The following ATP8A2 variants were observed in gnomAD, a reference collection of about 807,000 sequenced individuals.
ATP8A2 encodes ATPase phospholipid transporting 8A2.
ATP8A2 carries 100 observed loss-of-function variants against 165.6 expected under a neutral mutation model. The ratio of observed to expected loss-of-function variants is 0.60; its 90% CI spans 0.51 to 0.71. The LOEUF (loss-of-function observed/expected upper bound fraction) is 0.71, where lower values mean the gene tolerates loss of function less well. ATP8A2 is among the 30% of genes least tolerant of loss of function. ATP8A2 has a pLI of 0.00. For synonymous variants in ATP8A2, 543 were observed against 548.8 expected (o/e 0.99, Z 0.15); for missense variants, 1,227 against 1,479.5 (o/e 0.83, Z 2.80).
At chr13:25,810,612 T>C (rs1303992898) in intron 27 of ATP8A2, among the ~76,000 whole-genome samples, 1 of 152,184 alleles carries the variant, frequency 6.6e-6, no homozygotes, top group Non-Finnish European at 1.5e-5. Context: ...ATTAATCCTT[T>C]CCAACCTTAC....
intron 19 of ATP8A2, 76 bp from the exon 20 acceptor site, chr13:25,576,993 T>A: frequency 8.3e-7 from 1 of 1,211,312 alleles, no homozygotes; most frequent in South Asian, 1.3e-5. Flanking sequence ...CCCCTTTTGT[T>A]TTGATTGGTG....
At chr13:25,519,841 C>G (rs1267926282) in intron 2 of ATP8A2, among the ~76,000 whole-genome samples, 1 of 152,068 alleles carries the variant, frequency 6.6e-6, no homozygotes, top group African/African-American at 2.4e-5. Flanking sequence ...TGTCATTCAC[C>G]CATTTACCCC....
intron 25 of ATP8A2, among the ~76,000 whole-genome samples, chr13:25,757,631 A>T (rs553825940): frequency 6.6e-6 from 1 of 152,258 alleles, no homozygotes; most frequent in African/African-American, 2.4e-5. Flanking sequence ...GATGACTCCC[A>T]TATTCGGCTG....
At chr13:25,743,294 C>A (rs1343394571) in intron 25 of ATP8A2, among the ~76,000 whole-genome samples, 1 of 152,036 alleles carries the variant, frequency 6.6e-6, no homozygotes, top group African/African-American at 2.4e-5. Context: ...GGAGCAGATT[C>A]TTTTTCTCAG....
intron 2 of ATP8A2, among the ~76,000 whole-genome samples, chr13:25,491,849 T>C (rs760028137): frequency 9.9e-5 from 15 of 152,176 alleles, no homozygotes; most frequent in Non-Finnish European, 1.6e-4. Context: ...GTTTATACCT[T>C]TGATAGAGCA....
At chr13:25,993,771 A>G (rs1956440231) in intron 35 of ATP8A2, among the ~76,000 whole-genome samples, 1 of 152,238 alleles carries the variant, frequency 6.6e-6, no homozygotes, top group Admixed American at 6.5e-5. Context: ...GAAATCAGAT[A>G]CACTGATTTC....
intron 27 of ATP8A2, among the ~76,000 whole-genome samples, chr13:25,808,632 G>A (rs1178047218): frequency 6.6e-6 from 1 of 150,538 alleles, no homozygotes; most frequent in East Asian, 1.9e-4. Context: ...TTGTAGAGTT[G>A]TCTCACTGTG....
At chr13:25,741,050 AC>A (rs1402189754) in intron 25 of ATP8A2, among the ~76,000 whole-genome samples, 1 of 152,206 alleles carries the variant, frequency 6.6e-6, no homozygotes, top group Non-Finnish European at 1.5e-5. Flanking sequence ...ATTTAAAAAC[AC>A]ATATTGTTTT....
chr13:25,930,961 A>G (rs983438626), intron 33 of ATP8A2, among the ~76,000 whole-genome samples: 2 of 152,158 alleles, frequency 1.3e-5, no homozygotes, highest in Non-Finnish European at 2.9e-5. Context: ...CTATTTTAAT[A>G]TGAAAACTGC....
At chr13:25,513,928 G>T (rs916709169) in intron 2 of ATP8A2, among the ~76,000 whole-genome samples, 35 of 146,944 alleles carry the variant, frequency 2.4e-4, no homozygotes, top group Non-Finnish European at 4.3e-4. Context: ...CTTTGGCTCG[G>T]CATCAGAGGG....
chr13:25,545,625 C>T (rs2038625055), intron 10 of ATP8A2, among the ~76,000 whole-genome samples: 1 of 152,154 alleles, frequency 6.6e-6, no homozygotes, highest in Admixed American at 6.5e-5. Context: ...ATCACTACTT[C>T]TGGCTTTTGT....
rs1335356313 is a variant in ATP8A2 at position 25,579,999 on chromosome 13, A to G, written c.2007+52A>G. 2.5e-6 allele frequency: 4 copies of G among 1,597,294 alleles called. No individual in the cohort carries two copies. The Admixed American group carries it at 6.7e-5, about 27-fold the overall frequency. Reference sequence around the variant, plus strand: ...AGCTCCATGAAGGACTTAACCACCTATTTCACAAAGTATTTGAACAGGAAT... The same window carrying G: ...AGCTCCATGAAGGACTTAACCACCTGTTTCACAAAGTATTTGAACAGGAAT... On this transcript the variant is annotated intron_variant, in intron 22 of 36. Transcript: ENST00000381655.
chr13:25,460,579 A>C (rs1444580288), intron 1 of ATP8A2, among the ~76,000 whole-genome samples: 1 of 152,202 alleles, frequency 6.6e-6, no homozygotes, highest in Non-Finnish European at 1.5e-5. Flanking sequence ...ATTTGTCTTC[A>C]TTTAATTTAC....
At chr13:25,777,506 A>G (rs2044769204) in intron 27 of ATP8A2, among the ~76,000 whole-genome samples, 1 of 152,264 alleles carries the variant, frequency 6.6e-6, no homozygotes, top group Non-Finnish European at 1.5e-5. Flanking sequence ...GTAAGAATAA[A>G]TTAAATACAT....
At chr13:25,807,017 A>G (rs1950755450) in intron 27 of ATP8A2, among the ~76,000 whole-genome samples, 1 of 151,794 alleles carries the variant, frequency 6.6e-6, no homozygotes, top group Admixed American at 6.6e-5. Flanking sequence ...CCATTTTTGG[A>G]TTGGGTTGTC....
intron 2 of ATP8A2, among the ~76,000 whole-genome samples, chr13:25,514,092 G>GT (rs2037387738): frequency 2.6e-5 from 4 of 151,904 alleles, no homozygotes; most frequent in Admixed American, 2.6e-4. Flanking sequence ...TTTGCATCTT[G>GT]TTTTTTTGGT....
chr13:25,922,412 A>T (rs1954485720), intron 33 of ATP8A2, among the ~76,000 whole-genome samples: 1 of 152,220 alleles, frequency 6.6e-6, no homozygotes, highest in Admixed American at 6.5e-5. Context: ...TGACAAGACG[A>T]TGAAATCTTC....
At chr13:25,928,760 G>C (rs957849959) in intron 33 of ATP8A2, among the ~76,000 whole-genome samples, 2 of 152,154 alleles carry the variant, frequency 1.3e-5, no homozygotes, top group Non-Finnish European at 2.9e-5. Context: ...CCATGCCTCA[G>C]GCTGATGGCT....
At chr13:25,901,253 T>A (rs1018666978) in intron 33 of ATP8A2, among the ~76,000 whole-genome samples, 1 of 152,120 alleles carries the variant, frequency 6.6e-6, no homozygotes, top group African/African-American at 2.4e-5. Flanking sequence ...CAAGGGTTTT[T>A]AAGTGGAATT....
Sources: allele counts gnomAD v4.1 joint callset (sites outside exome capture counted in the v4.1 genomes callset), GRCh38; gene constraint gnomAD v4.1.1; transcripts MANE v1.5; gene names NCBI Gene and HGNC (gene_info 2026-07-23, HGNC 2026-07-21).